Variants in TENM3 observed in about 807,000 individuals in gnomAD.
TENM3 encodes the protein teneurin transmembrane protein 3.
In TENM3, 63 loss-of-function variants were observed where a neutral mutation model predicts 255.1. The observed-to-expected ratio is 0.25, with a 90% CI of 0.20 to 0.30. The LOEUF (loss-of-function observed/expected upper bound fraction) is 0.30. TENM3 is among the 10% of genes least tolerant of loss of function. The pLI, the probability that TENM3 is intolerant of heterozygous loss-of-function variation, is 1.00. For missense variants in TENM3, 2,929 were observed against 3,461.1 expected (o/e 0.85, Z 3.86); for synonymous variants, 1,306 against 1,322.3 (o/e 0.99, Z 0.27).
At chr4:181,878,760 C>A in the TENM3 span, among the ~76,000 whole-genome samples, 1 of 151,984 alleles carries the variant, frequency 6.6e-6, no homozygotes. Context: ...TCCATCCATG[C>A]GTGCATCCAT....
the TENM3 span, among the ~76,000 whole-genome samples, chr4:181,650,646 T>A: frequency 1.3e-5 from 2 of 152,160 alleles, no homozygotes; most frequent in Non-Finnish European, 2.9e-5. Context: ...ATGCAGTGAC[T>A]CAAAGAAGCT....
At chr4:181,454,968 T>C in the TENM3 span, among the ~76,000 whole-genome samples, 6 of 152,074 alleles carry the variant, frequency 3.9e-5, no homozygotes, top group Non-Finnish European at 8.8e-5. Context: ...TTCCCATCAT[T>C]AAGCAATACA....
At chr4:182,303,897 C>A (rs531039461) in intron 1 of TENM3, among the ~76,000 whole-genome samples, 2 of 152,072 alleles carry the variant, frequency 1.3e-5, no homozygotes, top group African/African-American at 4.8e-5. Flanking sequence ...ATTTTTAATT[C>A]GAAGCTTTCC....
At chr4:181,579,910 G>T in the TENM3 span, among the ~76,000 whole-genome samples, 1 of 151,346 alleles carries the variant, frequency 6.6e-6, no homozygotes, top group Non-Finnish European at 1.5e-5. Flanking sequence ...CTGCCACTAT[G>T]GTTCTCTAGG....
the TENM3 span, among the ~76,000 whole-genome samples, chr4:181,993,952 G>C: frequency 2.6e-5 from 4 of 152,094 alleles, no homozygotes; most frequent in East Asian, 7.7e-4. Flanking sequence ...AATATTAAGA[G>C]TGAGTTTGCT....
At chr4:181,809,458 C>T in the TENM3 span, among the ~76,000 whole-genome samples, 1 of 152,118 alleles carries the variant, frequency 6.6e-6, no homozygotes, top group African/African-American at 2.4e-5. Context: ...AAACAGGTGT[C>T]TCTGTTTGTG....
chr4:182,255,166 T>C (rs1758305067), intron 1 of TENM3, among the ~76,000 whole-genome samples: 1 of 152,170 alleles, frequency 6.6e-6, no homozygotes. Flanking sequence ...ATGACAGCCC[T>C]GTGGGACCCT....
chr4:181,958,044 T>C, the TENM3 span, among the ~76,000 whole-genome samples: 1 of 152,358 alleles, frequency 6.6e-6, no homozygotes, highest in African/African-American at 2.4e-5. Flanking sequence ...ACCTTCTCCA[T>C]TAAAACTCAC....
At chr4:182,578,509 CTG>C (rs1277476592) in intron 3 of TENM3, among the ~76,000 whole-genome samples, 1 of 151,956 alleles carries the variant, frequency 6.6e-6, no homozygotes, top group African/African-American at 2.4e-5. Flanking sequence ...GAGTGAATAT[CTG>C]TGGAATGAAT....
intron 3 of TENM3, among the ~76,000 whole-genome samples, chr4:182,564,713 C>A (rs945712568): frequency 6.6e-6 from 1 of 151,732 alleles, no homozygotes; most frequent in African/African-American, 2.4e-5. Context: ...TGCTTTGGTT[C>A]CAGTTTTATA....
At chr4:181,782,826 G>T in the TENM3 span, among the ~76,000 whole-genome samples, 1 of 152,122 alleles carries the variant, frequency 6.6e-6, no homozygotes, top group Non-Finnish European at 1.5e-5. Context: ...TTGTGTCTTT[G>T]TTCTCATTGG....
intron 10 of TENM3, 121 bp from the exon 11 acceptor site, chr4:182,681,693 G>A (rs1756189523): frequency 2.8e-6 from 2 of 706,686 alleles, no homozygotes; most frequent in African/African-American, 1.8e-5. Context: ...TCTTGAAAAT[G>A]GTAGATAAAT....
chr4:182,698,144 G>C (rs539224270), intron 12 of TENM3: 2 of 152,156 alleles, frequency 1.3e-5, no homozygotes, highest in African/African-American at 4.8e-5. Context: ...TGTTGAGTGA[G>C]AGAGTAATCA....
the TENM3 span, among the ~76,000 whole-genome samples, chr4:181,470,467 A>C: frequency 6.6e-6 from 1 of 152,136 alleles, no homozygotes; most frequent in Admixed American, 6.5e-5. Flanking sequence ...TGGTCATTGA[A>C]ATGTACCCTG....
intron 2 of TENM3, among the ~76,000 whole-genome samples, chr4:182,330,473 G>T (rs1263872209): frequency 6.6e-6 from 1 of 152,174 alleles, no homozygotes; most frequent in East Asian, 1.9e-4. Flanking sequence ...CTTGGATGAG[G>T]GTCTTATGTC....
the TENM3 span, among the ~76,000 whole-genome samples, chr4:181,694,183 T>C: frequency 6.6e-6 from 1 of 152,284 alleles, no homozygotes; most frequent in Non-Finnish European, 1.5e-5. Flanking sequence ...TAAAGAAGAA[T>C]TGAAATAAGT....
chr4:181,893,999 C>G, the TENM3 span, among the ~76,000 whole-genome samples: 9,332 of 151,146 alleles, frequency 0.062, 369 homozygotes, highest in African/African-American at 0.12. Flanking sequence ...AAAAAACAGG[C>G]TTGGATAATC....
At chr4:181,649,300 T>A in the TENM3 span, among the ~76,000 whole-genome samples, 1 of 152,228 alleles carries the variant, frequency 6.6e-6, no homozygotes, top group Non-Finnish European at 1.5e-5. Context: ...ATGTGAGGCC[T>A]ACAGCCATTC....
intron 1 of TENM3, among the ~76,000 whole-genome samples, chr4:182,322,824 G>T (rs548075225): frequency 1.3e-5 from 2 of 152,208 alleles, no homozygotes; most frequent in African/African-American, 4.8e-5. Context: ...TCTCAACAGC[G>T]GTCACGGCCA....
Sources: gnomAD v4.1 joint callset for allele counts (sites outside exome capture counted in the v4.1 genomes callset) on GRCh38, gnomAD v4.1.1 for gene constraint, MANE v1.5 for transcripts, NCBI Gene and HGNC (gene_info 2026-07-23, HGNC 2026-07-21) for gene names.